The following NPAS1 variants were observed in gnomAD, a reference collection of about 807,000 sequenced individuals.
The protein encoded by NPAS1 is neuronal PAS domain-containing protein 1.
A neutral mutation model predicts 49.2 loss-of-function variants in NPAS1; 29 were observed. The ratio of observed to expected loss-of-function variants is 0.59; its 90% CI spans 0.44 to 0.80. NPAS1 has a LOEUF of 0.80. Ranked by LOEUF, NPAS1 falls within the 30% of genes least tolerant of loss-of-function variation. The pLI, the probability that NPAS1 is intolerant of heterozygous loss-of-function variation, is 0.00. For synonymous variants in NPAS1, 408 were observed against 380.4 expected (o/e 1.07, Z -0.84); for missense variants, 825 against 835.5 (o/e 0.99, Z 0.15).
chr19:47,045,514 C>A lies in NPAS1; in HGVS notation c.1636C>A (p.Pro546Thr). ...CACACCCGGCACCATCCGCTACGGCCCCGCGGAGCTGGGCCTGGTGTACCC... is the reference window on the plus strand; with the variant it reads ...CACACCCGGCACCATCCGCTACGGCACCGCGGAGCTGGGCCTGGTGTACCC... ...LCTPGTIRYG[P>T]AELGLVYPHL... Residue 546 changes from proline to threonine, a missense_variant, in exon 12 of 12, where the codon CCC (proline) becomes ACC (threonine). By Grantham distance (38) the Pro-to-Thr change is conservative (BLOSUM62 -1). Transcript: ENST00000602212. The A allele has an allele frequency of 6.5e-7, 1 of 1,539,880 alleles. No homozygotes were observed. The highest frequency in any genetic ancestry group is 8.7e-7 in the Non-Finnish European group (1 of 1,148,852).
chr19:47,041,587 G>A (rs998309765), intron 10 of NPAS1, among the ~76,000 whole-genome samples: 4 of 152,122 alleles, frequency 2.6e-5, no homozygotes, highest in Non-Finnish European at 1.5e-5. Context: ...AAACCAGCCT[G>A]AAGATGACGG....
In NPAS1 at chr19:47,021,084, G is replaced by C. The variant is rs758589867; in HGVS notation, c.37G>C (p.Glu13Gln). The change falls in exon 2 of 12, where the codon GAG (glutamate) becomes CAG (glutamine). Residue 13 changes from glutamate to glutamine, a missense_variant. Transcript: ENST00000602212. The surrounding 1 kb of genome is among the most constrained non-coding windows in gnomAD (Gnocchi z 5.7). Reference protein sequence around the residue: ...APYPGSGGGSEVKCVGGRGAS... With the variant: ...APYPGSGGGSQVKCVGGRGAS... ...CTATCCCGGCAGTGGCGGCGGAAGC[G>C]AGGTCAAATGCGTGGGAGGCCGCGG... 12 of 1,604,646 alleles carry C rather than the reference G, an allele frequency of 7.5e-6. No homozygotes were observed. In the South Asian group the frequency reaches 1.3e-4, roughly 18 times the overall value.
intron 6 of NPAS1, among the ~76,000 whole-genome samples, chr19:47,037,179 C>T (rs2056965231): frequency 6.6e-6 from 1 of 151,586 alleles, no homozygotes; most frequent in South Asian, 2.1e-4. Context: ...TGGTGAAACC[C>T]CATCTCTACT....
intron 11 of NPAS1, among the ~76,000 whole-genome samples, chr19:47,043,665 G>A (rs1173177992): frequency 6.6e-6 from 1 of 152,124 alleles, no homozygotes; most frequent in East Asian, 1.9e-4. Flanking sequence ...GCTGAGGCAG[G>A]AGAGTCGCTT....
Position 47,032,279 on chromosome 19 carries a change from C to T in NPAS1, c.360C>T (p.Ala120=). 6.2e-7 allele frequency: 1 copy of T among 1,613,852 alleles called. No individual in the cohort carries two copies. The highest frequency in any genetic ancestry group is 8.5e-7 in the Non-Finnish European group (1 of 1,179,942). The change falls in exon 4 of 12, where the codon GCC becomes GCT. Residue 120 remains alanine, a splice_region_variant and synonymous_variant. Transcript: ENST00000602212. ...LRAAGPPAGL[A]PGRRGPAALV... Reference sequence around the variant, plus strand: ...GCTTCATCCTTCCATCTGCCCCAGCCCCAGGCCGCCGCGGCCCCGCAGCGC... The same window carrying T: ...GCTTCATCCTTCCATCTGCCCCAGCTCCAGGCCGCCGCGGCCCCGCAGCGC...
chr19:47,036,200 C>A, intron 6 of NPAS1, 71 bp downstream of exon 6: 1 of 1,445,010 alleles, frequency 6.9e-7, no homozygotes. Flanking sequence ...CTGTATCCAG[C>A]CATGCCGCGT....
At chr19:47,030,459 T>C (rs2056898233) in intron 3 of NPAS1, among the ~76,000 whole-genome samples, 2 of 152,112 alleles carry the variant, frequency 1.3e-5, no homozygotes, top group Non-Finnish European at 2.9e-5. Context: ...GTATCTTCTT[T>C]GGAGAAGTAT....
intron 7 of NPAS1, 58 bp from the exon 8 acceptor site, chr19:47,039,349 T>C: frequency 1.9e-6 from 3 of 1,598,136 alleles, no homozygotes; most frequent in Non-Finnish European, 2.6e-6. Context: ...CCAGTGATGG[T>C]CCTCTTGCCC....
chr19:47,041,100 G>A lies in NPAS1; in HGVS notation c.1192G>A (p.Val398Met). Residue 398 changes from valine to methionine, a missense_variant, in exon 10 of 12, where the codon GTG (valine) becomes ATG (methionine). Physicochemically the swap from Val to Met is conservative, Grantham distance 21. Transcript: ENST00000602212. Reference protein sequence around the residue: ...GSGKSPGEHHVLWVSHVLSQA... With the variant: ...GSGKSPGEHHMLWVSHVLSQA... Reference sequence around the variant, plus strand: ...CGGGAAGAGCCCCGGGGAGCACCATGTGCTTTGGGTCAGCCACGTGCTCAG... The same window carrying A: ...CGGGAAGAGCCCCGGGGAGCACCATATGCTTTGGGTCAGCCACGTGCTCAG... 1 of 1,594,986 alleles carries A rather than the reference G, an allele frequency of 6.3e-7. No homozygotes were observed. The highest frequency in any genetic ancestry group is 8.5e-7 in the Non-Finnish European group (1 of 1,174,900).
intron 3 of NPAS1, among the ~76,000 whole-genome samples, chr19:47,027,422 CT>C (rs2056879459): frequency 7.4e-6 from 1 of 135,402 alleles, no homozygotes; most frequent in African/African-American, 2.8e-5. Flanking sequence ...CTGGGTCCCC[CT>C]CTCTCTGCGC....
At chr19:47,041,961 C>CTCCATCTCAA (rs1269143279) in intron 10 of NPAS1, among the ~76,000 whole-genome samples, 1 of 136,452 alleles carries the variant, frequency 7.3e-6, no homozygotes, top group African/African-American at 2.9e-5. Context: ...GCCTGGGCGA[C>CTCCATCTCAA]AGAGTGAGAC....
chr19:47,026,590 A>G (rs1222235840), intron 3 of NPAS1, among the ~76,000 whole-genome samples: 1 of 152,176 alleles, frequency 6.6e-6, no homozygotes, highest in Non-Finnish European at 1.5e-5. Context: ...GGTGTGAGAG[A>G]CACAGAGGGC....
chr19:47,040,878 C>T, intron 9 of NPAS1, 100 bp from the exon 10 acceptor site: 2 of 1,028,110 alleles, frequency 1.9e-6, no homozygotes, highest in Non-Finnish European at 2.7e-6. Flanking sequence ...TGCCCACTCC[C>T]CTGCTCTCAC....
At chr19:47,030,429 T>C (rs1052376333) in intron 3 of NPAS1, among the ~76,000 whole-genome samples, 3 of 152,210 alleles carry the variant, frequency 2.0e-5, no homozygotes, top group Admixed American at 6.6e-5. Context: ...CATCTTTTCA[T>C]GTGCTTATTG....
Position 47,045,536 on chromosome 19 carries a change from AC to A in NPAS1, c.1661del (p.Pro554ArgfsTer?). The A allele has an allele frequency of 6.5e-7, 1 of 1,529,018 alleles. No homozygotes were observed. Among genetic ancestry groups the A allele is most frequent in the Non-Finnish European group, 8.7e-7 (1 of 1,144,780 alleles). 94.7% of individuals were successfully genotyped at this position (1,529,018 alleles called of 1,614,324 possible). ...RYGPAELGLV[Y>X]PHLQRLGPGP... ...GGCCCCGCGGAGCTGGGCCTGGTGT[AC>A]CCGCACCTGCAGAGGCTGGGTCCGG... On this transcript the variant is annotated frameshift_variant, in exon 12 of 12. Transcript: ENST00000602212. LOFTEE classifies it high-confidence loss of function.
At chr19:47,026,227 C>T (rs1410324235) in intron 3 of NPAS1, among the ~76,000 whole-genome samples, 2 of 152,224 alleles carry the variant, frequency 1.3e-5, no homozygotes, top group African/African-American at 4.8e-5. Flanking sequence ...GTGTAAGCCA[C>T]TGGGCCCAGC....
At chr19:47,043,017 TA>T in intron 11 of NPAS1, 113 bp downstream of exon 11, 15 of 814,936 alleles carry the variant, frequency 1.8e-5, no homozygotes, top group Non-Finnish European at 2.7e-5. Context: ...CAATTAAAAT[TA>T]AAATCCAGGC....
Position 47,045,265 on chromosome 19 carries a change from A to C in NPAS1, c.1387A>C (p.Ile463Leu). 6.2e-7 allele frequency: 1 copy of C among 1,613,990 alleles called. No individual in the cohort carries two copies. The highest frequency in any genetic ancestry group is 8.5e-7 in the Non-Finnish European group (1 of 1,179,976). Reference protein sequence around the residue: ...NEAPQTQGKRIKVEPGPRETK... With the variant: ...NEAPQTQGKRLKVEPGPRETK... ...GGCCCCCCAGACCCAGGGCAAACGC[A>C]TCAAAGTGGAGCCCGGCCCGAGGGA... Residue 463 changes from isoleucine (I) to leucine (L), a missense_variant, in exon 12 of 12, where the codon ATC (isoleucine) becomes CTC (leucine). Ile to Leu is a conservative substitution (Grantham distance 5). Transcript: ENST00000602212.
chr19:47,041,097 C>T lies in NPAS1; in HGVS notation c.1189C>T (p.His397Tyr), dbSNP rs1238444848. 1 of 1,595,962 alleles carries T rather than the reference C, an allele frequency of 6.3e-7. No homozygotes were observed. Among genetic ancestry groups the T allele is most frequent in the South Asian group, 1.1e-5 (1 of 88,574 alleles). Reference sequence around the variant, plus strand: ...GAGCGGGAAGAGCCCCGGGGAGCACCATGTGCTTTGGGTCAGCCACGTGCT... The same window carrying T: ...GAGCGGGAAGAGCCCCGGGGAGCACTATGTGCTTTGGGTCAGCCACGTGCT... ...AGSGKSPGEH[H>Y]VLWVSHVLSQ... The change falls in exon 10 of 12, where the codon CAT becomes TAT. Residue 397 changes from histidine (H) to tyrosine (Y), a missense_variant. Coordinates refer to ENST00000602212, the MANE Select transcript of NPAS1 (RefSeq NM_002517.4).
Sources: allele counts gnomAD v4.1 joint callset (sites outside exome capture counted in the v4.1 genomes callset), GRCh38; gene constraint gnomAD v4.1.1; non-coding constraint Gnocchi (gnomAD v3.1); transcripts MANE v1.5; gene names NCBI Gene and HGNC (gene_info 2026-07-23, HGNC 2026-07-21).